ATG7: variants seen among roughly 807,000 people sequenced by gnomAD.
ATG7 encodes the protein ubiquitin-like modifier-activating enzyme ATG7.
In ATG7, 70 loss-of-function variants were observed where a neutral mutation model predicts 82.4. That is an observed-to-expected ratio of 0.85 (90% CI 0.70 to 1.04). ATG7 has a LOEUF of 1.04. ATG7 is among the 50% of genes least tolerant of loss of function. The pLI, the probability that ATG7 is intolerant of heterozygous loss-of-function variation, is 0.00. For missense variants in ATG7, 792 were observed against 864.3 expected (o/e 0.92, Z 1.05); for synonymous variants, 287 against 313.0 (o/e 0.92, Z 0.88).
Position 11,390,984 on chromosome 3 carries a change from G to A in ATG7, c.1956+10932G>A, listed in dbSNP as rs945294295. ...CTTCAGTTTCCTCAGGTATGATGTA[G>A]TTGCAGTACCATAGCCATGAAGTTG... On this transcript the variant is annotated intron_variant, in intron 19 of 20. Transcript: ENST00000693202. 8.5e-5 allele frequency among the ~76,000 whole-genome samples: 13 copies of A among 152,336 alleles called. No homozygotes were observed. The South Asian group carries it at 2.7e-3, about 32-fold the overall frequency.
At chr3:11,511,952 A>G (rs934550318) in intron 20 of ATG7, among the ~76,000 whole-genome samples, 2 of 152,050 alleles carry the variant, frequency 1.3e-5, no homozygotes, top group Non-Finnish European at 1.5e-5. Context: ...CGCCGCATGC[A>G]GCCCTGGTTC....
chr3:11,343,612 T>C (rs986035407), intron 13 of ATG7, among the ~76,000 whole-genome samples: 12 of 152,164 alleles, frequency 7.9e-5, no homozygotes, highest in Non-Finnish European at 1.6e-4. Context: ...TTGTGGGTTA[T>C]GGAACTCTTG....
At chr3:11,558,535 T>G (rs968206952), downstream of ATG7, 4 of 1,521,738 alleles carry the variant, frequency 2.6e-6, no homozygotes, top group Admixed American at 5.2e-5. Context: ...GATCCACGTG[T>G]TGTTGGAGGA....
At chr3:11,496,442 A>G (rs1002452921) in intron 20 of ATG7, among the ~76,000 whole-genome samples, 18 of 151,644 alleles carry the variant, frequency 1.2e-4, no homozygotes, top group Admixed American at 1.3e-4. Context: ...CTCCTCCCCT[A>G]CTCTTGAAAC....
intron 9 of ATG7, among the ~76,000 whole-genome samples, chr3:11,325,568 G>A (rs1249431483): frequency 6.6e-6 from 1 of 152,096 alleles, no homozygotes; most frequent in African/African-American, 2.4e-5. Context: ...CTACTCGGGA[G>A]GCTGAGGCAG....
intron 20 of ATG7, among the ~76,000 whole-genome samples, chr3:11,549,540 TAA>T (rs2071584536): frequency 6.6e-6 from 1 of 152,206 alleles, no homozygotes; most frequent in South Asian, 2.1e-4. Context: ...TGACCCAGGA[TAA>T]AGACACTGAG....
chr3:11,347,708 T>C (rs950980814), intron 13 of ATG7, among the ~76,000 whole-genome samples, 169 bp from the exon 14 acceptor site: 1 of 152,218 alleles, frequency 6.6e-6, no homozygotes, highest in Admixed American at 6.5e-5. Context: ...CTAAGGAAAG[T>C]CAACATTCTG....
chr3:11,365,902 C>CAAA (rs2076572776), intron 18 of ATG7, among the ~76,000 whole-genome samples: 1 of 152,056 alleles, frequency 6.6e-6, no homozygotes, highest in African/African-American at 2.4e-5. Context: ...GGTACCCCAG[C>CAAA]CCCCTTGCAC....
At chr3:11,379,649 C>T (rs539086243) in intron 18 of ATG7, among the ~76,000 whole-genome samples, 2 of 152,278 alleles carry the variant, frequency 1.3e-5, no homozygotes, top group African/African-American at 4.8e-5. Context: ...ACCTGTTCAA[C>T]ATTTTGGAAG....
rs77843565 is a variant in ATG7, at chr3:11,333,213, C to A, written c.889+120C>A. On this transcript the variant is annotated intron_variant, in intron 11 of 20. Transcript: ENST00000693202. The stretch of plus-strand genomic sequence containing the variant: ...AAGGAAGAGAAAAGTACAACTTGTA[C>A]CTCTTTGCCAATGCAGACACCTACT... 4.8e-4 allele frequency: 623 copies of A among 1,305,542 alleles called. 1 individual carries two copies. Among genetic ancestry groups the A allele is most frequent in the Middle Eastern group, 9.1e-4 (4 of 4,396 alleles). 80.9% of individuals were successfully genotyped at this position (1,305,542 alleles called of 1,614,324 possible). A position where few individuals can be genotyped will look rare whatever the true frequency, so the allele number is the denominator to read the frequency against.
intron 20 of ATG7, among the ~76,000 whole-genome samples, chr3:11,462,735 C>G (rs1025238024): frequency 6.6e-6 from 1 of 151,834 alleles, no homozygotes; most frequent in Non-Finnish European, 1.5e-5. Flanking sequence ...CCTCTCGCCA[C>G]CCCCCCAGGG....
intron 20 of ATG7, among the ~76,000 whole-genome samples, chr3:11,465,585 G>A (rs1257827192): frequency 2.0e-5 from 3 of 151,732 alleles, no homozygotes; most frequent in Non-Finnish European, 4.4e-5. Context: ...TCTACAAAAA[G>A]TTAGTAAAAA....
chr3:11,496,621 C>G (rs1190443574), intron 20 of ATG7, among the ~76,000 whole-genome samples: 1 of 152,154 alleles, frequency 6.6e-6, no homozygotes, highest in Non-Finnish European at 1.5e-5. Context: ...CTGCATGACT[C>G]TTCATGAAAC....
chr3:11,510,379 G>C, intron 20 of ATG7: 1 of 378,428 alleles, frequency 2.6e-6, no homozygotes, highest in Non-Finnish European at 5.3e-6. Flanking sequence ...CCCTGCCCCA[G>C]TTTAAAAAAA....
chr3:11,561,092 C>A (rs2072947790), downstream of ATG7, among the ~76,000 whole-genome samples: 1 of 151,920 alleles, frequency 6.6e-6, no homozygotes, highest in Admixed American at 6.6e-5. Flanking sequence ...CCTTCCTGAG[C>A]CTGGCTGCAC....
rs1047324913 is a variant in ATG7, at chr3:11,557,206, T to G, written c.*2363T>G. 2 of 152,802 alleles carry G rather than the reference T, an allele frequency of 1.3e-5. No homozygotes were observed. The highest frequency in any genetic ancestry group is 2.4e-5 in the African/African-American group (1 of 41,458). The allele number at this position is 152,802 out of a possible 1,614,324, so 9.5% of individuals were successfully genotyped here. A position where few individuals can be genotyped will look rare whatever the true frequency, so the allele number is the denominator to read the frequency against. On this transcript the variant is annotated 3_prime_UTR_variant, in exon 21 of 21. Coordinates refer to ENST00000693202, the MANE Select transcript of ATG7 (RefSeq NM_001349232.2). ...AGCTGTGTCTGTCATGCTTGCTTCA[T>G]CTAATTTCTAGTTAGTAGCTATTAA...
intron 13 of ATG7, among the ~76,000 whole-genome samples, chr3:11,342,938 T>A (rs1326743549): frequency 1.3e-5 from 2 of 152,022 alleles, no homozygotes; most frequent in African/African-American, 4.8e-5. Context: ...CATTAATTTT[T>A]TTTTTTTTTG....
At chr3:11,515,296 G>GTGTGTGTGTGTA (rs2092237764) in intron 20 of ATG7, among the ~76,000 whole-genome samples, 3 of 31,854 alleles carry the variant, frequency 9.4e-5, no homozygotes, top group South Asian at 1.6e-3. Flanking sequence ...TGTCTCTTGC[G>GTGTGTGTGTGTA]CGTGTGTGTG....
intron 3 of ATG7, among the ~76,000 whole-genome samples, chr3:11,294,569 C>T (rs899076674): frequency 2.0e-5 from 3 of 152,096 alleles, no homozygotes; most frequent in African/African-American, 7.2e-5. Flanking sequence ...TTCTTTCAAA[C>T]AATTAAAAGC....
Sources: allele counts gnomAD v4.1 joint callset (sites outside exome capture counted in the v4.1 genomes callset), GRCh38; gene constraint gnomAD v4.1.1; transcripts MANE v1.5; gene names NCBI Gene and HGNC (gene_info 2026-07-23, HGNC 2026-07-21).